Variants in RAP1GAP2 observed in about 807,000 individuals in gnomAD.
RAP1GAP2 encodes the protein rap1 GTPase-activating protein 2.
In RAP1GAP2, 27 loss-of-function variants were observed where a neutral mutation model predicts 95.0. That is an observed-to-expected ratio of 0.28 (90% CI 0.21 to 0.39). The LOEUF (loss-of-function observed/expected upper bound fraction) is 0.39, where lower values mean the gene tolerates loss of function less well. RAP1GAP2 is among the 10% of genes least tolerant of loss of function. The pLI is 1.00. For synonymous variants in RAP1GAP2, 373 were observed against 380.9 expected, an observed-to-expected ratio of 0.98 and a Z score of 0.24; for missense variants, 771 against 970.0, an observed-to-expected ratio of 0.79 and a Z score of 2.72.
chr17:2,808,984 G>C (rs2069640650), intron 2 of RAP1GAP2, among the ~76,000 whole-genome samples: 1 of 152,206 alleles, frequency 6.6e-6, no homozygotes, highest in Non-Finnish European at 1.5e-5. Flanking sequence ...CGTGGCTGCA[G>C]GGAGAAGCAG....
Position 3,027,170 on chromosome 17 carries a change from C to A in RAP1GAP2, c.2107+100C>A. 7.1e-7 allele frequency: 1 copy of A among 1,411,722 alleles called. No homozygotes were observed. The highest frequency in any genetic ancestry group is 1.5e-5 in the South Asian group (1 of 67,902). The allele number at this position is 1,411,722 out of a possible 1,614,324, so 87.4% of individuals were successfully genotyped here. ...CAGCCACGCTGAACTGGCCAGTTTT[C>A]ACCCCTCCTCCCAGCTGTGAGGCCC... On this transcript the variant is annotated intron_variant, in intron 22 of 24. Coordinates refer to ENST00000254695, the MANE Select transcript of RAP1GAP2 (RefSeq NM_015085.5). This position sits in a 1 kb window ranked among gnomAD's most constrained non-coding sequence, Gnocchi z 5.2.
chr17:2,960,801 G>C (rs2044289645), intron 4 of RAP1GAP2, among the ~76,000 whole-genome samples: 1 of 152,206 alleles, frequency 6.6e-6, no homozygotes, highest in South Asian at 2.1e-4. Context: ...CTTCAGAGGG[G>C]ACCTGTTTCT....
intron 2 of RAP1GAP2, chr17:2,854,124 C>T: frequency 3.0e-6 from 3 of 985,458 alleles, no homozygotes; most frequent in Non-Finnish European, 2.4e-6. Context: ...CAGCGCCGGC[C>T]GCTTCCCTCC....
chr17:2,946,429 A>G (rs1282196969), intron 3 of RAP1GAP2, among the ~76,000 whole-genome samples: 1 of 152,184 alleles, frequency 6.6e-6, no homozygotes, highest in Non-Finnish European at 1.5e-5. Context: ...GTTTTTAATT[A>G]CTACGGATTC....
chr17:3,003,938 T>G lies in RAP1GAP2; in HGVS notation c.1201-1431T>G, dbSNP rs903980060. Among the ~76,000 whole-genome samples the G allele has an allele frequency of 6.6e-6, 1 of 151,734 alleles. No homozygotes were observed. Among genetic ancestry groups the G allele is most frequent in the African/African-American group, 2.4e-5 (1 of 41,248 alleles). ...GGGACTGTCCAGCTGGAGGGTTGGA[T>G]GGACTTGAGGATGTGTCTGAAGCCA... On this transcript the variant is annotated intron_variant, in intron 14 of 24. Transcript: ENST00000254695. The surrounding 1 kb of genome is among the most constrained non-coding windows in gnomAD (Gnocchi z 4.1).
chr17:2,776,555 C>T (rs1311910304), upstream of RAP1GAP2, among the ~76,000 whole-genome samples: 1 of 152,152 alleles, frequency 6.6e-6, no homozygotes, highest in South Asian at 2.1e-4. Context: ...CGCCCCTCCG[C>T]CCCCTCTCCG....
rs965784731 is a variant in RAP1GAP2 at position 2,786,523 on chromosome 17, G to T, written c.-14+9245G>T. On this transcript the variant is annotated intron_variant, in intron 1 of 24. Transcript: ENST00000540393. ...AGGTGCCCCGCCTTAGCAGGGGAGG[G>T]CGGGAGTGACCCAGCTGGGTGGGTG... Among the ~76,000 whole-genome samples the T allele has an allele frequency of 9.8e-5, 15 of 152,376 alleles. No individual in the cohort carries two copies. In the Middle Eastern group the frequency reaches 0.017, roughly 173 times the overall value.
intron 1 of RAP1GAP2, among the ~76,000 whole-genome samples, chr17:2,786,814 T>A (rs1004101309): frequency 2.0e-5 from 3 of 150,694 alleles, no homozygotes; most frequent in African/African-American, 7.3e-5. Context: ...CCCGGCTAAT[T>A]TTTGTAGTGT....
At chr17:2,911,705 G>A (rs372250231) in intron 3 of RAP1GAP2, among the ~76,000 whole-genome samples, 1 of 151,196 alleles carries the variant, frequency 6.6e-6, no homozygotes. Context: ...GGGATGGGGC[G>A]GGGTGGGGCA....
intron 3 of RAP1GAP2, among the ~76,000 whole-genome samples, chr17:2,953,712 G>T (rs935713071): frequency 6.6e-6 from 1 of 151,852 alleles, no homozygotes; most frequent in Non-Finnish European, 1.5e-5. Flanking sequence ...CTGGGCATGG[G>T]GGCGCATGCC....
intron 3 of RAP1GAP2, among the ~76,000 whole-genome samples, chr17:2,909,330 GC>G (rs944711552): frequency 6.6e-6 from 1 of 152,160 alleles, no homozygotes; most frequent in Non-Finnish European, 1.5e-5. Context: ...CCGCGGCCTG[GC>G]AGTTGCAGGG....
intron 3 of RAP1GAP2, among the ~76,000 whole-genome samples, chr17:2,913,224 C>T (rs1597591862): frequency 6.6e-6 from 1 of 152,048 alleles, no homozygotes; most frequent in Non-Finnish European, 1.5e-5. Context: ...TGTGCACCTA[C>T]TTACCTGCAT....
rs1392201717 is a variant in RAP1GAP2, at chr17:2,889,869, A to G, written c.81-15415A>G. Reference sequence around the variant, plus strand: ...GGCTAATTTTTATGTGTGTGTATATATATATATATATATATATATATTTTT... The same window carrying G: ...GGCTAATTTTTATGTGTGTGTATATGTATATATATATATATATATATTTTT... On this transcript the variant is annotated intron_variant, in intron 2 of 24. Coordinates refer to ENST00000254695, the MANE Select transcript of RAP1GAP2 (RefSeq NM_015085.5). Among the ~76,000 whole-genome samples, 224 of 32,908 alleles carry G rather than the reference A, an allele frequency of 6.8e-3. 3 individuals are homozygous for G. The highest frequency in any genetic ancestry group is 0.034 in the Admixed American group (67 of 1,996). The allele number at this position is 32,908 out of a possible 152,430, so 21.6% of individuals were successfully genotyped here.
intron 8 of RAP1GAP2, 52 bp from the exon 9 acceptor site, chr17:2,980,235 G>GCCC (rs2045307294): frequency 6.3e-7 from 1 of 1,577,018 alleles, no homozygotes; most frequent in South Asian, 1.1e-5. Context: ...GAGTCCCCGC[G>GCCC]CCCTCACTGA....
chr17:2,846,214 T>C (rs994997067), intron 2 of RAP1GAP2, among the ~76,000 whole-genome samples: 1 of 151,888 alleles, frequency 6.6e-6, no homozygotes, highest in African/African-American at 2.4e-5. Flanking sequence ...TTCTCATCAA[T>C]GGAATCCCGT....
chr17:2,794,429 G>A (rs1189520705), upstream of RAP1GAP2, among the ~76,000 whole-genome samples: 11 of 152,254 alleles, frequency 7.2e-5, 1 homozygote, highest in Admixed American at 7.2e-4. Context: ...GTGGGTGGGT[G>A]CCTCTGGGGA....
At chr17:2,841,754 A>C (rs2071382127) in intron 2 of RAP1GAP2, among the ~76,000 whole-genome samples, 1 of 152,174 alleles carries the variant, frequency 6.6e-6, no homozygotes, top group African/African-American at 2.4e-5. Context: ...AATCCCCTTA[A>C]GACAAGGAAC....
intron 3 of RAP1GAP2, among the ~76,000 whole-genome samples, chr17:2,930,986 C>T (rs1259754548): frequency 6.6e-6 from 1 of 151,818 alleles, no homozygotes; most frequent in Non-Finnish European, 1.5e-5. Flanking sequence ...ACTAGCCAGG[C>T]GTGGCATGCC....
At chr17:2,853,643 G>A (rs2071985302) in intron 2 of RAP1GAP2, among the ~76,000 whole-genome samples, 1 of 148,220 alleles carries the variant, frequency 6.7e-6, no homozygotes, top group African/African-American at 2.5e-5. Context: ...CCGGGCGGCC[G>A]AGGCCGGGGC....
Sources: allele counts gnomAD v4.1 joint callset (sites outside exome capture counted in the v4.1 genomes callset), GRCh38; gene constraint gnomAD v4.1.1; non-coding constraint Gnocchi (gnomAD v3.1); transcripts MANE v1.5; gene names NCBI Gene and HGNC (gene_info 2026-07-23, HGNC 2026-07-21).